Variants in IQCH observed in about 807,000 individuals in gnomAD.
IQCH encodes the protein IQ domain-containing protein H.
A neutral mutation model predicts 117.0 loss-of-function variants in IQCH; 98 were observed. The ratio of observed to expected loss-of-function variants is 0.84; its 90% CI spans 0.71 to 0.99. IQCH has a LOEUF of 0.99. Ranked by LOEUF, IQCH falls within the 50% of genes least tolerant of loss-of-function variation. IQCH has a pLI of 0.00. For synonymous variants in IQCH, 412 were observed against 448.2 expected (o/e 0.92, Z 1.02); for missense variants, 1,102 against 1,243.8 (o/e 0.89, Z 1.72).
chr15:67,434,468 A>G (rs180759258), intron 16 of IQCH, among the ~76,000 whole-genome samples: 84 of 152,256 alleles, frequency 5.5e-4, no homozygotes, highest in African/African-American at 2.0e-3. Context: ...ATACATATAT[A>G]CACACACACC....
intron 4 of IQCH, among the ~76,000 whole-genome samples, chr15:67,283,236 T>A (rs1966435082): frequency 6.6e-6 from 1 of 152,152 alleles, no homozygotes; most frequent in Non-Finnish European, 1.5e-5. Context: ...AACTACCCAA[T>A]CCCATGAGGC....
chr15:67,371,305 A>C (rs1970524338), intron 8 of IQCH: 1 of 347,388 alleles, frequency 2.9e-6, no homozygotes, highest in East Asian at 5.2e-5. Flanking sequence ...GAACAAAAAA[A>C]ATTGCTCAGC....
At chr15:67,374,405 T>G (rs1040536297) in intron 10 of IQCH, among the ~76,000 whole-genome samples, 4 of 152,232 alleles carry the variant, frequency 2.6e-5, no homozygotes, top group Non-Finnish European at 5.9e-5. Flanking sequence ...AGTTTATTCA[T>G]ATTCATATGT....
chr15:67,469,979 T>C (rs1239054613), intron 17 of IQCH, among the ~76,000 whole-genome samples: 2 of 152,140 alleles, frequency 1.3e-5, no homozygotes, highest in Admixed American at 6.5e-5. Flanking sequence ...CCTAAAGAAG[T>C]CCCTTGTTGA....
At chr15:67,290,569 A>G (rs1304574699) in intron 4 of IQCH, among the ~76,000 whole-genome samples, 1 of 152,126 alleles carries the variant, frequency 6.6e-6, no homozygotes, top group African/African-American at 2.4e-5. Context: ...TTGACATCAC[A>G]TGTAAGAAAG....
intron 6 of IQCH, among the ~76,000 whole-genome samples, chr15:67,354,480 G>C (rs1186690630): frequency 6.6e-6 from 1 of 152,044 alleles, no homozygotes. Context: ...CAAAGCCCTA[G>C]AGCAAAAAAT....
rs1966256885 is a variant in IQCH, at chr15:67,279,393, A to G, written c.270-2A>G. On this transcript the variant is annotated splice_acceptor_variant, in intron 3 of 20. Transcript: ENST00000335894. LOFTEE classifies it high-confidence loss of function. The stretch of plus-strand genomic sequence containing the variant: ...TTTTAAATTCCATTTCTTCTTACTT[A>G]GGTTACTTCCAACTGTAATTGATCA... 6.7e-7 allele frequency: 1 copy of G among 1,487,572 alleles called. No individual in the cohort carries two copies. Among genetic ancestry groups the G allele is most frequent in the African/African-American group, 1.4e-5 (1 of 72,016 alleles). 92.1% of individuals were successfully genotyped at this position (1,487,572 alleles called of 1,614,324 possible).
In IQCH at chr15:67,490,578, A is replaced by G. The variant is rs1405052889; in HGVS notation, c.2861+514A>G. 2.6e-5 allele frequency among the ~76,000 whole-genome samples: 4 copies of G among 152,214 alleles called. No individual in the cohort carries two copies. Among genetic ancestry groups the G allele is most frequent in the Admixed American group, 1.3e-4 (2 of 15,288 alleles). ...ATAATTGATTAATTACCTAAAATTA[A>G]TGGGTAAGATTTAGATTTAACAACA... On this transcript the variant is annotated intron_variant, in intron 19 of 20. Transcript: ENST00000335894. This position sits in a 1 kb window ranked among gnomAD's most constrained non-coding sequence, Gnocchi z 4.9.
At chr15:67,336,894 A>G (rs1050356753) in intron 4 of IQCH, 81 bp from the exon 5 acceptor site, 5 of 1,393,436 alleles carry the variant, frequency 3.6e-6, no homozygotes, top group Non-Finnish European at 5.0e-6. Context: ...ACTATTCATA[A>G]CTTTATTTAT....
At chr15:67,396,585 G>C (rs918811896) in intron 13 of IQCH, among the ~76,000 whole-genome samples, 1 of 152,108 alleles carries the variant, frequency 6.6e-6, no homozygotes, top group East Asian at 1.9e-4. Context: ...AAAATTAAAA[G>C]ACAAATGGCT....
At chr15:67,377,943 A>G (rs1485923979) in intron 10 of IQCH, among the ~76,000 whole-genome samples, 2 of 152,132 alleles carry the variant, frequency 1.3e-5, no homozygotes, top group Non-Finnish European at 2.9e-5. Flanking sequence ...TCTTCTTTCC[A>G]TAAAAATTAT....
chr15:67,468,940 A>G (rs1196679383), intron 17 of IQCH, among the ~76,000 whole-genome samples: 2 of 152,268 alleles, frequency 1.3e-5, no homozygotes, highest in Non-Finnish European at 2.9e-5. Context: ...CGAAAATACA[A>G]TATGTTCCAC....
intron 5 of IQCH, among the ~76,000 whole-genome samples, chr15:67,341,853 T>C (rs368744986): frequency 4.9e-4 from 74 of 152,336 alleles, no homozygotes; most frequent in African/African-American, 1.7e-3. Context: ...GGAGTGGTCC[T>C]TCCATGTGTA....
intron 6 of IQCH, 54 bp from the exon 7 acceptor site, chr15:67,357,291 A>G: frequency 8.2e-7 from 1 of 1,213,758 alleles, no homozygotes; most frequent in Non-Finnish European, 1.2e-6. Flanking sequence ...GCATCCAACC[A>G]GTGACTCAGC....
chr15:67,292,444 A>G (rs923408124), intron 4 of IQCH, among the ~76,000 whole-genome samples: 1 of 152,074 alleles, frequency 6.6e-6, no homozygotes, highest in African/African-American at 2.4e-5. Context: ...TTTTAGTAGT[A>G]GCAAGGTTTT....
At chr15:67,373,566 G>A in intron 10 of IQCH, 133 bp downstream of exon 10, 1 of 723,778 alleles carries the variant, frequency 1.4e-6, no homozygotes, top group South Asian at 1.5e-5. Flanking sequence ...TCGACATGAT[G>A]AGAGTAATAA....
chr15:67,395,467 T>C lies in IQCH; in HGVS notation c.1809T>C (p.Ala603=). The C allele has an allele frequency of 6.2e-7, 1 of 1,614,084 alleles. No homozygotes were observed. Among genetic ancestry groups the C allele is most frequent in the Non-Finnish European group, 8.5e-7 (1 of 1,179,986 alleles). ...IPILGSEPEL[A]HLYSTKSGGK... ...TCCTGGGCTCTGAGCCTGAACTAGC[T>C]CATCTTTATAGTACCAAATCTGGAG... Residue 603 remains alanine, a synonymous_variant, in exon 13 of 21, where the codon GCT becomes GCC. Coordinates refer to ENST00000335894, the MANE Select transcript of IQCH (RefSeq NM_001031715.3). The surrounding 1 kb of genome is among the most constrained non-coding windows in gnomAD (Gnocchi z 4.0).
intron 8 of IQCH, chr15:67,371,408 T>A: frequency 8.4e-7 from 1 of 1,184,442 alleles, no homozygotes; most frequent in Non-Finnish European, 1.1e-6. Flanking sequence ...AAGCAAATGC[T>A]CCCTTGGTTT....
At chr15:67,375,634 A>G (rs1484500104) in intron 10 of IQCH, among the ~76,000 whole-genome samples, 1 of 152,116 alleles carries the variant, frequency 6.6e-6, no homozygotes, top group Non-Finnish European at 1.5e-5. Flanking sequence ...TTAAAGAAAA[A>G]CTGCTAATTA....
Sources: gnomAD v4.1 joint callset for allele counts (sites outside exome capture counted in the v4.1 genomes callset) on GRCh38, gnomAD v4.1.1 for gene constraint, Gnocchi (gnomAD v3.1) non-coding constraint, MANE v1.5 for transcripts, NCBI Gene and HGNC (gene_info 2026-07-23, HGNC 2026-07-21) for gene names.